Variants in ANO3 observed in about 807,000 individuals in gnomAD.
ANO3 encodes the protein anoctamin 3.
A neutral mutation model predicts 144.8 loss-of-function variants in ANO3; 99 were observed. That is an observed-to-expected ratio of 0.68 (90% CI 0.58 to 0.81). The LOEUF (loss-of-function observed/expected upper bound fraction) is 0.81, where lower values mean the gene tolerates loss of function less well. ANO3 is among the 30% of genes least tolerant of loss of function. ANO3 has a pLI of 0.00. For missense variants in ANO3, 905 were observed against 1,202.2 expected, an observed-to-expected ratio of 0.75 and a Z score of 3.66; for synonymous variants, 414 against 392.6, an observed-to-expected ratio of 1.05 and a Z score of -0.64.
chr11:26,371,995 T>G (rs867053861), intron 1 of ANO3, among the ~76,000 whole-genome samples: 23 of 152,292 alleles, frequency 1.5e-4, no homozygotes, highest in Admixed American at 2.6e-4. Flanking sequence ...TTATTGTGTT[T>G]TGAAATGTAG....
At chr11:26,362,759 T>G (rs1855961462) in intron 1 of ANO3, among the ~76,000 whole-genome samples, 1 of 152,228 alleles carries the variant, frequency 6.6e-6, no homozygotes, top group South Asian at 2.1e-4. Context: ...GTTGCTATTT[T>G]TTTAATTAAC....
chr11:26,334,870 C>T (rs930406378), intron 1 of ANO3, among the ~76,000 whole-genome samples: 3 of 152,090 alleles, frequency 2.0e-5, no homozygotes, highest in Non-Finnish European at 4.4e-5. Context: ...CCTGATATAA[C>T]TAGAAATCAC....
intron 3 of ANO3, among the ~76,000 whole-genome samples, chr11:26,452,892 T>A (rs1257872312): frequency 6.6e-6 from 1 of 152,166 alleles, no homozygotes; most frequent in Non-Finnish European, 1.5e-5. Context: ...CGGCAGAAAC[T>A]CTACAAGCCA....
chr11:26,195,641 A>C (rs1851572061), intron 1 of ANO3, among the ~76,000 whole-genome samples: 1 of 152,192 alleles, frequency 6.6e-6, no homozygotes, highest in Non-Finnish European at 1.5e-5. Flanking sequence ...TGAGGCCAAA[A>C]GAGTGGCTTG....
At chr11:26,560,883 A>T (rs1368485829) in intron 14 of ANO3, 2 of 548,246 alleles carry the variant, frequency 3.6e-6, no homozygotes, top group Admixed American at 8.3e-5. Flanking sequence ...CAAAAATTGT[A>T]AGAAAGAAAA....
At chr11:26,438,831 T>C (rs549002345) in intron 1 of ANO3, among the ~76,000 whole-genome samples, 2 of 149,388 alleles carry the variant, frequency 1.3e-5, no homozygotes, top group Admixed American at 1.3e-4. Context: ...AATTGACAAG[T>C]TGATCCTTAA....
chr11:26,585,237 TC>T (rs1214207478), intron 14 of ANO3, among the ~76,000 whole-genome samples: 9 of 152,104 alleles, frequency 5.9e-5, no homozygotes, highest in African/African-American at 2.2e-4. Context: ...CTAATCCACT[TC>T]CCACAAACAA....
Position 26,529,141 on chromosome 11 carries a change from A to T in ANO3, c.738-2064A>T, listed in dbSNP as rs372687093. Among the ~76,000 whole-genome samples the T allele has an allele frequency of 8.0e-4, 2 of 2,506 alleles. 1 individual carries two copies. The highest frequency in any genetic ancestry group is 9.8e-4 in the African/African-American group (2 of 2,042). The allele number at this position is 2,506 out of a possible 152,430, so 1.6% of individuals were successfully genotyped here. On this transcript the variant is annotated intron_variant, in intron 7 of 26. Coordinates refer to ENST00000256737, the MANE Select transcript of ANO3 (RefSeq NM_031418.4). ...ATATATATTATATATAATATATATT[A>T]TATAATAATATATATTATATATAAT...
In ANO3 at chr11:26,441,128, T is replaced by G. The variant is rs865951791; in HGVS notation, c.47-790T>G. On this transcript the variant is annotated intron_variant, in intron 1 of 26. Coordinates refer to ENST00000256737, the MANE Select transcript of ANO3 (RefSeq NM_031418.4). ...CCAGTTTTTTTTTTTTTTTTTTTTT[T>G]TTTTTTTGAGACGGAGTCTCGCTCT... is the stretch of plus-strand genomic sequence containing the variant. Among the ~76,000 whole-genome samples the G allele has an allele frequency of 1.9e-3, 218 of 116,904 alleles. 1 individual carries two copies. The highest frequency in any genetic ancestry group is 6.1e-3 in the African/African-American group (185 of 30,284). The allele number at this position is 116,904 out of a possible 152,430, so 76.7% of individuals were successfully genotyped here.
At chr11:26,244,192 C>A (rs1034382923) in intron 1 of ANO3, among the ~76,000 whole-genome samples, 1 of 151,176 alleles carries the variant, frequency 6.6e-6, no homozygotes, top group Non-Finnish European at 1.5e-5. Flanking sequence ...GGCTTGGGAA[C>A]TACTATCTTC....
chr11:26,239,341 C>T (rs1419655259), intron 1 of ANO3, among the ~76,000 whole-genome samples: 1 of 152,096 alleles, frequency 6.6e-6, no homozygotes, highest in African/African-American at 2.4e-5. Context: ...AGAAGCAGGC[C>T]TAATTTTCAT....
intron 1 of ANO3, among the ~76,000 whole-genome samples, chr11:26,440,886 G>A (rs1761176622): frequency 6.6e-6 from 1 of 152,152 alleles, no homozygotes; most frequent in African/African-American, 2.4e-5. Flanking sequence ...TGCCAAGGGA[G>A]AGGAGTGACC....
upstream of ANO3, among the ~76,000 whole-genome samples, chr11:26,330,782 T>A (rs1475317693): frequency 6.6e-6 from 1 of 152,248 alleles, no homozygotes; most frequent in Non-Finnish European, 1.5e-5. Flanking sequence ...CATTCTTTTG[T>A]ATCATGCACC....
intron 4 of ANO3, among the ~76,000 whole-genome samples, chr11:26,475,020 ATTCTT>A (rs957680719): frequency 2.6e-5 from 4 of 152,062 alleles, no homozygotes; most frequent in Admixed American, 2.0e-4. Flanking sequence ...ATCACAGACT[ATTCTT>A]TTAAGAATTG....
At chr11:26,566,966 C>G in intron 14 of ANO3, 1 of 1,191,640 alleles carries the variant, frequency 8.4e-7, no homozygotes, top group Non-Finnish European at 1.1e-6. Context: ...TAGATGCTAA[C>G]CTCCATTTAA....
At chr11:26,204,402 G>A (rs1851756609) in intron 1 of ANO3, among the ~76,000 whole-genome samples, 1 of 152,078 alleles carries the variant, frequency 6.6e-6, no homozygotes, top group South Asian at 2.1e-4. Flanking sequence ...CTCTCTCCTT[G>A]CTTCATCATG....
chr11:26,546,887 G>A (rs2703408), intron 11 of ANO3, among the ~76,000 whole-genome samples: 107,972 of 151,740 alleles, frequency 0.71, 38,721 homozygotes, highest in East Asian at 0.84. Context: ...TAGGGACAGC[G>A]TTAACCAGGG....
At chr11:26,625,513 A>G (rs547142938) in intron 18 of ANO3, among the ~76,000 whole-genome samples, 129 of 152,180 alleles carry the variant, frequency 8.5e-4, no homozygotes, top group African/African-American at 3.0e-3. Flanking sequence ...CTCTATAACT[A>G]TTTTCATACC....
At chr11:26,534,272 GTGAACATTTGAT>G (rs2033085937) in intron 8 of ANO3, among the ~76,000 whole-genome samples, 172 bp from the exon 9 acceptor site, 1 of 152,162 alleles carries the variant, frequency 6.6e-6, no homozygotes, top group Admixed American at 6.5e-5. Flanking sequence ...AGATAACAAA[GTGAACATTTGAT>G]AATGCCTTGT....
Sources: allele counts gnomAD v4.1 joint callset (sites outside exome capture counted in the v4.1 genomes callset), GRCh38; gene constraint gnomAD v4.1.1; transcripts MANE v1.5; gene names NCBI Gene and HGNC (gene_info 2026-07-23, HGNC 2026-07-21).